The following NCAM2 variants were observed in gnomAD, a reference collection of about 807,000 sequenced individuals.
The protein encoded by NCAM2 is N-CAM-2.
In NCAM2, 30 loss-of-function variants were observed where a neutral mutation model predicts 98.1. The observed-to-expected ratio is 0.31, with a 90% CI of 0.23 to 0.41. The LOEUF (loss-of-function observed/expected upper bound fraction) is 0.41, where lower values mean the gene tolerates loss of function less well. NCAM2 is among the 10% of genes least tolerant of loss of function. The probability of loss-of-function intolerance (pLI) is 1.00; values close to 1 mark genes in which losing one functional copy is unlikely to be tolerated. For synonymous variants in NCAM2, 368 were observed against 342.4 expected (o/e 1.07, Z -0.83); for missense variants, 867 against 1,005.8 (o/e 0.86, Z 1.87).
intron 1 of NCAM2, among the ~76,000 whole-genome samples, chr21:21,105,182 A>C (rs1303188303): frequency 2.0e-5 from 3 of 152,188 alleles, no homozygotes; most frequent in Admixed American, 2.0e-4. Context: ...TAGATAATGA[A>C]CACAAAACAG....
At chr21:21,409,649 A>G (rs2076816514) in intron 9 of NCAM2, among the ~76,000 whole-genome samples, 1 of 152,230 alleles carries the variant, frequency 6.6e-6, no homozygotes, top group African/African-American at 2.4e-5. Context: ...ATAGTCATTA[A>G]CATAGTCAAT....
intron 15 of NCAM2, among the ~76,000 whole-genome samples, chr21:21,478,874 T>G (rs1985494039): frequency 2.0e-5 from 3 of 152,186 alleles, no homozygotes. Flanking sequence ...ATGACAAATC[T>G]GATGCCCTTA....
intron 12 of NCAM2, among the ~76,000 whole-genome samples, chr21:21,439,435 T>G (rs2146072512): frequency 6.6e-6 from 1 of 152,282 alleles, no homozygotes; most frequent in South Asian, 2.1e-4. Context: ...GGCCTTCAGG[T>G]TTAATTTTAG....
intron 1 of NCAM2, among the ~76,000 whole-genome samples, chr21:21,011,470 A>G (rs925640849): frequency 3.9e-5 from 6 of 152,030 alleles, no homozygotes; most frequent in Non-Finnish European, 8.8e-5. Flanking sequence ...CCAGCTGTAT[A>G]ATACATATAT....
At chr21:21,152,834 A>T (rs1341831710) in intron 1 of NCAM2, among the ~76,000 whole-genome samples, 2 of 151,950 alleles carry the variant, frequency 1.3e-5, no homozygotes, top group Admixed American at 6.6e-5. Flanking sequence ...TGGGACACTT[A>T]TGCTGATGTC....
At chr21:21,226,077 G>A (rs887407880) in intron 1 of NCAM2, among the ~76,000 whole-genome samples, 2 of 151,994 alleles carry the variant, frequency 1.3e-5, no homozygotes, top group Non-Finnish European at 2.9e-5. Context: ...AATGCTGCAT[G>A]TTCTCACTTA....
chr21:21,318,422 T>C (rs1439576865), intron 5 of NCAM2, among the ~76,000 whole-genome samples: 1 of 152,190 alleles, frequency 6.6e-6, no homozygotes, highest in African/African-American at 2.4e-5. Flanking sequence ...ACTGTAACTT[T>C]TCACTTAGAT....
chr21:21,536,658 A>G (rs1005495967), intron 17 of NCAM2, among the ~76,000 whole-genome samples: 7 of 152,006 alleles, frequency 4.6e-5, no homozygotes, highest in African/African-American at 1.7e-4. Context: ...CCAAAGTGCT[A>G]GGATTAGAGG....
chr21:21,336,231 A>G (rs920886908), intron 7 of NCAM2, among the ~76,000 whole-genome samples: 1 of 152,178 alleles, frequency 6.6e-6, no homozygotes, highest in African/African-American at 2.4e-5. Flanking sequence ...CAGTGATGGC[A>G]GTGGGTGCTT....
rs1214094354 is a variant in NCAM2, at chr21:21,016,021, T to C, written c.55+17403T>C. Among the ~76,000 whole-genome samples the C allele has an allele frequency of 7.2e-5, 11 of 152,318 alleles. No individual in the cohort carries two copies. The South Asian group carries it at 2.1e-3, about 29-fold the overall frequency. On this transcript the variant is annotated intron_variant, in intron 1 of 17. Transcript: ENST00000400546. ...CAATGCCCAGTCGCCTGTATTTCTTTAGTTGATTTTCTTTGGAGGAAAAAT... is the reference window on the plus strand; with the variant it reads ...CAATGCCCAGTCGCCTGTATTTCTTCAGTTGATTTTCTTTGGAGGAAAAAT...
intron 1 of NCAM2, among the ~76,000 whole-genome samples, chr21:21,002,758 A>G (rs1234371658): frequency 6.6e-6 from 1 of 152,126 alleles, no homozygotes; most frequent in African/African-American, 2.4e-5. Flanking sequence ...TTGAGTGTTG[A>G]TATGTGCAAA....
At chr21:21,533,525 A>G (rs1989822921) in intron 16 of NCAM2, among the ~76,000 whole-genome samples, 1 of 151,950 alleles carries the variant, frequency 6.6e-6, no homozygotes, top group Admixed American at 6.6e-5. Context: ...ATTACCTACT[A>G]TCCATTCACT....
intron 1 of NCAM2, among the ~76,000 whole-genome samples, chr21:21,067,560 T>C (rs906699258): frequency 9.2e-5 from 14 of 152,210 alleles, no homozygotes; most frequent in Non-Finnish European, 1.9e-4. Flanking sequence ...CACTCTGATA[T>C]TATGCAATAC....
At chr21:21,299,572 T>G (rs2147632032) in intron 5 of NCAM2, among the ~76,000 whole-genome samples, 1 of 151,880 alleles carries the variant, frequency 6.6e-6, no homozygotes, top group East Asian at 1.9e-4. Context: ...TCTCTCTCTC[T>G]CTCTCTTTCT....
intron 1 of NCAM2, among the ~76,000 whole-genome samples, chr21:21,067,948 C>A (rs1401169815): frequency 2.0e-5 from 3 of 151,872 alleles, no homozygotes; most frequent in African/African-American, 7.3e-5. Flanking sequence ...AACTGAATTT[C>A]TTGTCTTCTT....
At chr21:21,492,437 T>C (rs1986917253) in intron 15 of NCAM2, among the ~76,000 whole-genome samples, 1 of 151,910 alleles carries the variant, frequency 6.6e-6, no homozygotes, top group Admixed American at 6.6e-5. Flanking sequence ...TCAGCTTTTA[T>C]CTTTCTCACT....
chr21:21,361,311 A>T (rs1261473151), intron 8 of NCAM2, among the ~76,000 whole-genome samples: 22 of 152,042 alleles, frequency 1.4e-4, no homozygotes. Context: ...TTATCTCTTG[A>T]ACATACTCCA....
chr21:21,345,443 G>A (rs1018858595), intron 8 of NCAM2, among the ~76,000 whole-genome samples: 5 of 152,006 alleles, frequency 3.3e-5, no homozygotes, highest in Admixed American at 6.6e-5. Context: ...TAATTACAAC[G>A]AATCAAGTAG....
intron 12 of NCAM2, among the ~76,000 whole-genome samples, chr21:21,465,864 G>A (rs1373994796): frequency 6.6e-6 from 1 of 152,024 alleles, no homozygotes; most frequent in African/African-American, 2.4e-5. Context: ...ATGAATTTTT[G>A]AAGATGTAAT....
Sources: allele counts gnomAD v4.1 joint callset (sites outside exome capture counted in the v4.1 genomes callset), GRCh38; gene constraint gnomAD v4.1.1; transcripts MANE v1.5; gene names NCBI Gene and HGNC (gene_info 2026-07-23, HGNC 2026-07-21).